The following IMPG1 variants were observed in gnomAD, a reference collection of about 807,000 sequenced individuals.
The protein encoded by IMPG1 is interphotoreceptor matrix proteoglycan 1.
A neutral mutation model predicts 92.0 loss-of-function variants in IMPG1; 85 were observed. That is an observed-to-expected ratio of 0.92 (90% CI 0.78 to 1.11). IMPG1 has a LOEUF of 1.11. Ranked by LOEUF, IMPG1 falls within the 50% of genes least tolerant of loss-of-function variation. IMPG1 has a pLI of 0.00. For missense variants in IMPG1, 1,022 were observed against 956.0 expected, an observed-to-expected ratio of 1.07 and a Z score of -0.91; for synonymous variants, 367 against 334.1, an observed-to-expected ratio of 1.10 and a Z score of -1.08.
chr6:76,070,704 A>G (rs1403722684), intron 1 of IMPG1, among the ~76,000 whole-genome samples: 1 of 152,166 alleles, frequency 6.6e-6, no homozygotes, highest in Non-Finnish European at 1.5e-5. Flanking sequence ...TAAGTGAAAT[A>G]ACTAAGAAAC....
Position 76,034,716 on chromosome 6 carries a change from C to A in IMPG1, c.373G>T (p.Asp125Tyr). 1.2e-6 allele frequency: 2 copies of A among 1,614,084 alleles called. No individual in the cohort carries two copies. The highest frequency in any genetic ancestry group is 1.7e-6 in the Non-Finnish European group (2 of 1,179,964). ...TCCTGCTGGCAGATGCTGACCCAGT[C>A]CTGATATTCCCCTGTGTCAGGGATG... ...DRIPDTGEYQ[D>Y]WVSICQQETF... The change falls in exon 3 of 17, where the codon GAC becomes TAC. Residue 125 changes from aspartate to tyrosine, a missense_variant. Around this residue, in one of 3 missense-constraint regions of IMPG1, gnomAD observed 681 missense variants for 583.6 expected, o/e 1.17. Coordinates refer to ENST00000369950, the MANE Select transcript of IMPG1 (RefSeq NM_001563.4).
intron 16 of IMPG1, among the ~76,000 whole-genome samples, chr6:75,922,814 T>C (rs1582042058): frequency 6.6e-6 from 1 of 152,136 alleles, no homozygotes; most frequent in East Asian, 1.9e-4. Context: ...CTTGGATACA[T>C]AAAATTATTA....
chr6:76,052,007 A>G (rs1280653690), intron 1 of IMPG1, among the ~76,000 whole-genome samples: 1 of 152,106 alleles, frequency 6.6e-6, no homozygotes, highest in African/African-American at 2.4e-5. Flanking sequence ...AAGAAAAGGA[A>G]GAACTAAATC....
At chr6:75,951,635 G>A (rs9360965) in intron 12 of IMPG1, among the ~76,000 whole-genome samples, 59,193 of 152,020 alleles carry the variant, frequency 0.39, 12,099 homozygotes, top group East Asian at 0.59. Flanking sequence ...TTTACCACTT[G>A]AAATTTAAAT....
intron 2 of IMPG1, among the ~76,000 whole-genome samples, chr6:76,038,703 A>G (rs1406217088): frequency 2.0e-5 from 3 of 152,340 alleles, no homozygotes; most frequent in Non-Finnish European, 4.4e-5. Context: ...GTGATTCTAG[A>G]GAAATCCAGC....
chr6:76,017,138 C>T (rs1783303380), intron 7 of IMPG1, among the ~76,000 whole-genome samples: 1 of 150,526 alleles, frequency 6.6e-6, no homozygotes, highest in Non-Finnish European at 1.5e-5. Flanking sequence ...AGTTTGCATT[C>T]CTGGAAACTA....
chr6:76,041,276 G>C (rs1037693416), intron 2 of IMPG1, among the ~76,000 whole-genome samples: 11 of 152,220 alleles, frequency 7.2e-5, no homozygotes, highest in African/African-American at 2.7e-4. Flanking sequence ...CTGTGAAGCA[G>C]TCTTGGGGTA....
At chr6:76,003,028 A>G in intron 11 of IMPG1, 32 bp from the exon 12 acceptor site, 1 of 1,516,978 alleles carries the variant, frequency 6.6e-7, no homozygotes, top group Non-Finnish European at 9.2e-7. Flanking sequence ...ACAGATGTTG[A>G]GAAAGGATGT....
At chr6:75,980,234 C>G (rs1782605244) in intron 12 of IMPG1, among the ~76,000 whole-genome samples, 1 of 152,124 alleles carries the variant, frequency 6.6e-6, no homozygotes, top group Non-Finnish European at 1.5e-5. Flanking sequence ...ATAATCCATC[C>G]TGATTTACTG....
At chr6:76,007,603 A>G in intron 8 of IMPG1, 103 bp from the exon 9 acceptor site, 1 of 718,082 alleles carries the variant, frequency 1.4e-6, no homozygotes, top group Non-Finnish European at 2.2e-6. Flanking sequence ...AGAAAAAAAT[A>G]TTTCTTTCCA....
At chr6:75,965,079 C>T (rs1019927159) in intron 12 of IMPG1, among the ~76,000 whole-genome samples, 1 of 152,186 alleles carries the variant, frequency 6.6e-6, no homozygotes, top group African/African-American at 2.4e-5. Context: ...AGATGTACCA[C>T]AGATGGTTTA....
intron 8 of IMPG1, 88 bp from the exon 9 acceptor site, chr6:76,007,588 A>T: frequency 1.2e-6 from 1 of 868,642 alleles, no homozygotes; most frequent in Non-Finnish European, 1.8e-6. Flanking sequence ...TATTTTATAT[A>T]CAAAAGAAAA....
chr6:75,964,456 A>G (rs1384977694), intron 12 of IMPG1, among the ~76,000 whole-genome samples: 1 of 152,128 alleles, frequency 6.6e-6, no homozygotes, highest in Non-Finnish European at 1.5e-5. Context: ...GGGCAGGCAG[A>G]TCTTGAGGTC....
chr6:75,990,630 C>G (rs1259157775), intron 12 of IMPG1, among the ~76,000 whole-genome samples: 2 of 141,140 alleles, frequency 1.4e-5, no homozygotes, highest in Non-Finnish European at 3.1e-5. Context: ...CATACACAAT[C>G]TCATTTTCCT....
At chr6:76,007,035 T>G (rs1217082488) in intron 9 of IMPG1, among the ~76,000 whole-genome samples, 1 of 152,168 alleles carries the variant, frequency 6.6e-6, no homozygotes, top group Non-Finnish European at 1.5e-5. Context: ...CTCCAAGGTA[T>G]AGTGGGCCCT....
At chr6:75,922,254 A>G in intron 16 of IMPG1, 88 bp from the exon 17 acceptor site, 1 of 627,182 alleles carries the variant, frequency 1.6e-6, no homozygotes, top group Non-Finnish European at 2.9e-6. Context: ...ACTGGTAGAT[A>G]AGAGGATGTG....
chr6:75,933,655 G>A (rs1781697059), intron 14 of IMPG1, among the ~76,000 whole-genome samples: 1 of 152,186 alleles, frequency 6.6e-6, no homozygotes, highest in Non-Finnish European at 1.5e-5. Context: ...TAGTCTACTA[G>A]CATCCCAGTA....
chr6:75,972,219 T>C (rs1386107422), intron 12 of IMPG1, among the ~76,000 whole-genome samples: 3 of 152,198 alleles, frequency 2.0e-5, no homozygotes, highest in Non-Finnish European at 4.4e-5. Flanking sequence ...ATTAGCAGTG[T>C]CCACCCATTA....
chr6:75,978,976 A>C (rs1489014565), intron 12 of IMPG1, among the ~76,000 whole-genome samples: 2 of 152,150 alleles, frequency 1.3e-5, no homozygotes, highest in African/African-American at 4.8e-5. Flanking sequence ...CGGTGACATG[A>C]ACATGACTCA....
Sources: allele counts gnomAD v4.1 joint callset (sites outside exome capture counted in the v4.1 genomes callset), GRCh38; gene constraint gnomAD v4.1.1; regional missense constraint gnomAD v4.1.1; transcripts MANE v1.5; gene names NCBI Gene and HGNC (gene_info 2026-07-23, HGNC 2026-07-21).